GRIK4: variants seen among roughly 807,000 people sequenced by gnomAD.
GRIK4 encodes glutamate receptor ionotropic, kainate 4.
A neutral mutation model predicts 104.9 loss-of-function variants in GRIK4; 40 were observed. The observed-to-expected ratio is 0.38, with a 90% CI of 0.30 to 0.50. GRIK4 has a LOEUF of 0.50. Among genes scored for constraint, GRIK4 ranks in the 20% least tolerant of loss-of-function variants. GRIK4 has a pLI of 0.93. For missense variants in GRIK4, 1,047 were observed against 1,308.1 expected (o/e 0.80, Z 3.08); for synonymous variants, 485 against 524.9 (o/e 0.92, Z 1.04).
intron 3 of GRIK4, among the ~76,000 whole-genome samples, chr11:120,696,987 C>T (rs1285216914): frequency 6.6e-6 from 1 of 152,200 alleles, no homozygotes; most frequent in Non-Finnish European, 1.5e-5. Context: ...ATTCAGTGTC[C>T]TCGTTGCCAC....
At chr11:120,744,170 C>T (rs576115912) in intron 3 of GRIK4, among the ~76,000 whole-genome samples, 1 of 152,292 alleles carries the variant, frequency 6.6e-6, no homozygotes, top group South Asian at 2.1e-4. Context: ...CTACAAGCTG[C>T]CCAGGGGGAA....
chr11:120,658,532 C>G (rs1255608960), intron 2 of GRIK4, among the ~76,000 whole-genome samples: 1 of 152,112 alleles, frequency 6.6e-6, no homozygotes, highest in Non-Finnish European at 1.5e-5. Flanking sequence ...CTTGCTAACA[C>G]TTAATGTTGT....
chr11:120,779,980 A>G (rs1227834487), intron 3 of GRIK4, among the ~76,000 whole-genome samples: 3 of 152,332 alleles, frequency 2.0e-5, no homozygotes, highest in East Asian at 1.9e-4. Context: ...GTATTGGCTT[A>G]GGCAGCTCTC....
chr11:120,889,709 A>G (rs1032263066), intron 11 of GRIK4, among the ~76,000 whole-genome samples: 1 of 137,284 alleles, frequency 7.3e-6, no homozygotes, highest in African/African-American at 2.7e-5. Context: ...GGTTCCAGTG[A>G]TTCTCCTGCC....
At chr11:120,926,089 C>G (rs922106130) in intron 13 of GRIK4, among the ~76,000 whole-genome samples, 2 of 152,022 alleles carry the variant, frequency 1.3e-5, no homozygotes, top group African/African-American at 4.8e-5. Context: ...AATTGTTGGT[C>G]AATCTTCAGA....
At chr11:120,560,609 T>C (rs1450879551) in intron 1 of GRIK4, among the ~76,000 whole-genome samples, 1 of 152,174 alleles carries the variant, frequency 6.6e-6, no homozygotes, top group East Asian at 1.9e-4. Context: ...GACAGTATGA[T>C]AGTAAGAGTC....
At chr11:120,590,298 C>G (rs926408659) in intron 1 of GRIK4, among the ~76,000 whole-genome samples, 2 of 152,186 alleles carry the variant, frequency 1.3e-5, no homozygotes, top group African/African-American at 4.8e-5. Flanking sequence ...ACCTGCAGGC[C>G]TTAGCACTGA....
At chr11:120,712,623 TA>T (rs72232565) in intron 3 of GRIK4, among the ~76,000 whole-genome samples, 29,381 of 137,802 alleles carry the variant, frequency 0.21, 3,218 homozygotes, top group African/African-American at 0.33. Context: ...CCCTGTCTCT[TA>T]AAAAAAAAAA....
intron 11 of GRIK4, among the ~76,000 whole-genome samples, chr11:120,897,915 A>C (rs538084673): frequency 6.6e-6 from 1 of 152,090 alleles, no homozygotes; most frequent in Non-Finnish European, 1.5e-5. Flanking sequence ...TGGCACATAC[A>C]TGAGAAGCTC....
At chr11:120,822,735 A>G (rs1179363012) in intron 6 of GRIK4, among the ~76,000 whole-genome samples, 1 of 152,154 alleles carries the variant, frequency 6.6e-6, no homozygotes, top group Non-Finnish European at 1.5e-5. Flanking sequence ...GTGGACCAGG[A>G]GTTTTATGGC....
At chr11:120,687,260 C>T (rs960155150) in intron 3 of GRIK4, among the ~76,000 whole-genome samples, 2 of 149,748 alleles carry the variant, frequency 1.3e-5, no homozygotes, top group Admixed American at 6.6e-5. Flanking sequence ...AGTCAGGGAC[C>T]ATGCCTTGGG....
intron 1 of GRIK4, among the ~76,000 whole-genome samples, chr11:120,580,247 CTT>C (rs1565558854): frequency 8.4e-6 from 1 of 119,546 alleles, no homozygotes; most frequent in Non-Finnish European, 1.7e-5. Flanking sequence ...TTCTTTCTTT[CTT>C]TCTTTTTCTT....
At position 120,866,105 on chromosome 11, in the gene GRIK4, G is replaced by A. The variant is rs549206314; in HGVS notation, c.906+3985G>A. ...TCCACCCCCTTTATCCAACCCACCC[G>A]GGTCACTGCCACATGAGACTTGGGA... is the stretch of plus-strand genomic sequence containing the variant. On this transcript the variant is annotated intron_variant, in intron 9 of 20. Transcript: ENST00000527524. 9.3e-4 allele frequency among the ~76,000 whole-genome samples: 141 copies of A among 152,224 alleles called. 1 individual carries two copies. Among genetic ancestry groups the A allele is most frequent in the African/African-American group, 3.0e-3 (126 of 41,532 alleles).
chr11:120,862,345 T>G, intron 9 of GRIK4: 1 of 439,150 alleles, frequency 2.3e-6, no homozygotes, highest in Non-Finnish European at 4.0e-6. Flanking sequence ...GGCACTGAGT[T>G]GTCACTTAGT....
intron 18 of GRIK4, among the ~76,000 whole-genome samples, chr11:120,964,670 T>C (rs1037086142): frequency 1.3e-5 from 2 of 152,182 alleles, no homozygotes; most frequent in Non-Finnish European, 2.9e-5. Flanking sequence ...ACCACAACTC[T>C]AGAAATTTTC....
At chr11:120,783,014 T>A (rs1565349044) in intron 3 of GRIK4, among the ~76,000 whole-genome samples, 1 of 152,170 alleles carries the variant, frequency 6.6e-6, no homozygotes, top group African/African-American at 2.4e-5. Flanking sequence ...AACTACCTCT[T>A]AAAATCCCCA....
chr11:120,836,239 A>G (rs1953572199), intron 7 of GRIK4, among the ~76,000 whole-genome samples: 1 of 152,172 alleles, frequency 6.6e-6, no homozygotes, highest in South Asian at 2.1e-4. Context: ...TATCTTTTCC[A>G]TTAATGAGAC....
chr11:120,650,401 T>G (rs1332367963), intron 1 of GRIK4, among the ~76,000 whole-genome samples: 1 of 152,234 alleles, frequency 6.6e-6, no homozygotes, highest in African/African-American at 2.4e-5. Flanking sequence ...AGACTCCCTG[T>G]GATTTCTGAA....
chr11:120,648,050 G>A (rs576531496), intron 1 of GRIK4, among the ~76,000 whole-genome samples: 3 of 152,186 alleles, frequency 2.0e-5, no homozygotes, highest in East Asian at 1.9e-4. Flanking sequence ...CTGGGTTCTC[G>A]GGTGTATGTG....
Sources: gnomAD v4.1 joint callset for allele counts (sites outside exome capture counted in the v4.1 genomes callset) on GRCh38, gnomAD v4.1.1 for gene constraint, MANE v1.5 for transcripts, NCBI Gene and HGNC (gene_info 2026-07-23, HGNC 2026-07-21) for gene names.